Variants in FRMD4A observed in about 807,000 individuals in gnomAD.
The protein encoded by FRMD4A is FERM domain containing 4A.
FRMD4A carries 29 observed loss-of-function variants against 129.1 expected under a neutral mutation model. The observed-to-expected ratio is 0.22, with a 90% CI of 0.17 to 0.31. The LOEUF is 0.31. Ranked by LOEUF, FRMD4A falls within the 10% of genes least tolerant of loss-of-function variation. The pLI is 1.00. For synonymous variants in FRMD4A, 634 were observed against 571.6 expected, an observed-to-expected ratio of 1.11 and a Z score of -1.56; for missense variants, 1,272 against 1,375.8, an observed-to-expected ratio of 0.92 and a Z score of 1.19.
intron 6 of FRMD4A, among the ~76,000 whole-genome samples, chr10:13,775,834 T>C (rs917423354): frequency 3.3e-5 from 5 of 152,126 alleles, no homozygotes; most frequent in African/African-American, 9.7e-5. Flanking sequence ...TGGAAATTAA[T>C]ATTGGTAGAC....
At chr10:14,059,671 C>A (rs1157635298) in intron 2 of FRMD4A, among the ~76,000 whole-genome samples, 1 of 152,208 alleles carries the variant, frequency 6.6e-6, no homozygotes, top group Non-Finnish European at 1.5e-5. Context: ...TTTGTTATAG[C>A]AGCCTCAGCA....
intron 3 of FRMD4A, among the ~76,000 whole-genome samples, chr10:13,838,865 G>A (rs766869907): frequency 1.1e-4 from 16 of 151,778 alleles, no homozygotes; most frequent in East Asian, 5.8e-4. Context: ...GACATTGCCC[G>A]TTTTCTTTAT....
intron 2 of FRMD4A, among the ~76,000 whole-genome samples, chr10:13,885,753 C>A (rs1454701104): frequency 2.0e-5 from 3 of 152,172 alleles, no homozygotes; most frequent in Non-Finnish European, 2.9e-5. Flanking sequence ...CCTGCCAAGA[C>A]CTGCAGGCTA....
chr10:14,014,716 G>A (rs2095692696), intron 2 of FRMD4A, among the ~76,000 whole-genome samples: 1 of 152,152 alleles, frequency 6.6e-6, no homozygotes, highest in South Asian at 2.1e-4. Flanking sequence ...CATGCCCAGG[G>A]GCTGCGAGAT....
At chr10:14,266,376 G>C (rs1041544302) in intron 2 of FRMD4A, among the ~76,000 whole-genome samples, 1 of 152,098 alleles carries the variant, frequency 6.6e-6, no homozygotes, top group African/African-American at 2.4e-5. Context: ...GTTAGATAAA[G>C]TTTGGGGAGA....
rs74547111 is a variant in FRMD4A, at chr10:13,659,176, C to T, written c.2066+147G>A. 4.2e-3 allele frequency: 3,141 copies of T among 750,066 alleles called. 19 individuals are homozygous for T. Among genetic ancestry groups the T allele is most frequent in the Middle Eastern group, 0.012 (32 of 2,762 alleles). 46.5% of individuals were successfully genotyped at this position (750,066 alleles called of 1,614,324 possible). A position where few individuals can be genotyped will look rare whatever the true frequency, so the allele number is the denominator to read the frequency against. ...CTTGGCTAACGGGGGTTGACTGCTG[C>T]CAGCTTGGTTTTTTATTCCGCTTCA... is the stretch of plus-strand genomic sequence containing the variant. On this transcript the variant is annotated intron_variant, in intron 21 of 24. Coordinates refer to ENST00000357447, the MANE Select transcript of FRMD4A (RefSeq NM_018027.5).
chr10:14,312,300 C>A (rs538492507), intron 2 of FRMD4A, among the ~76,000 whole-genome samples: 3 of 152,308 alleles, frequency 2.0e-5, no homozygotes, highest in East Asian at 3.9e-4. Context: ...ATTCTTAACA[C>A]CCTTCAGAGA....
intron 2 of FRMD4A, among the ~76,000 whole-genome samples, chr10:14,129,407 TAAAA>T (rs56914092): frequency 8.9e-6 from 1 of 112,392 alleles, no homozygotes; most frequent in African/African-American, 4.4e-5. Context: ...TATATATATA[TAAAA>T]AATATGAGCT....
chr10:13,852,104 A>G (rs1293059365), intron 3 of FRMD4A, among the ~76,000 whole-genome samples: 1 of 152,126 alleles, frequency 6.6e-6, no homozygotes, highest in South Asian at 2.1e-4. Context: ...TCCTGAAACC[A>G]TACCTCCCAC....
chr10:13,671,280 C>G (rs574231811), intron 16 of FRMD4A, among the ~76,000 whole-genome samples: 52 of 152,158 alleles, frequency 3.4e-4, no homozygotes, highest in African/African-American at 1.2e-3. Flanking sequence ...ATGGTGAAAC[C>G]CTGTCTCTAC....
At chr10:14,326,414 T>C (rs1843277341) in intron 2 of FRMD4A, 2 of 153,240 alleles carry the variant, frequency 1.3e-5, no homozygotes, top group South Asian at 4.1e-4. Flanking sequence ...ACTTGCTTCA[T>C]CAGTTTCACT....
chr10:14,317,021 C>T (rs149530401), intron 2 of FRMD4A, among the ~76,000 whole-genome samples: 92 of 152,304 alleles, frequency 6.0e-4, no homozygotes, highest in African/African-American at 2.1e-3. Flanking sequence ...TCCACTTTGT[C>T]GCTCAATTGT....
intron 6 of FRMD4A, among the ~76,000 whole-genome samples, chr10:13,778,856 C>G (rs1256626796): frequency 6.6e-6 from 1 of 152,168 alleles, no homozygotes; most frequent in Middle Eastern, 3.2e-3. Flanking sequence ...AAGGCTGCAT[C>G]TATCTCTTGG....
chr10:14,128,077 T>C lies in FRMD4A; in HGVS notation c.45+201981A>G, dbSNP rs1004073673. ...CTTTCTTTCTTTCTTTCTTTCTTTC[T>C]TTCTTTCTTTCTTTCTTTCTTTCTT... On this transcript the variant is annotated intron_variant, in intron 2 of 24. Coordinates refer to ENST00000357447, the MANE Select transcript of FRMD4A (RefSeq NM_018027.5). Among the ~76,000 whole-genome samples the C allele has an allele frequency of 6.5e-3, 741 of 114,520 alleles. 34 individuals carry two copies. The highest frequency in any genetic ancestry group is 0.022 in the African/African-American group (645 of 29,488). The allele number at this position is 114,520 out of a possible 152,430, so 75.1% of individuals were successfully genotyped here.
At chr10:14,031,431 C>T (rs1565197975) in intron 2 of FRMD4A, among the ~76,000 whole-genome samples, 1 of 152,120 alleles carries the variant, frequency 6.6e-6, no homozygotes, top group Admixed American at 6.6e-5. Flanking sequence ...CCATGCCTGG[C>T]TAATTTTTGT....
At chr10:14,096,739 A>G (rs916113377) in intron 2 of FRMD4A, among the ~76,000 whole-genome samples, 2 of 152,192 alleles carry the variant, frequency 1.3e-5, no homozygotes, top group Admixed American at 1.3e-4. Flanking sequence ...GAGACACCTG[A>G]GCATGAGCTA....
chr10:14,284,932 T>C (rs1019861674), intron 2 of FRMD4A, among the ~76,000 whole-genome samples: 6 of 152,186 alleles, frequency 3.9e-5, no homozygotes, highest in Non-Finnish European at 7.3e-5. Flanking sequence ...CTTTCCTCTG[T>C]CCTACTACAA....
At chr10:13,842,816 A>G (rs554809320) in intron 3 of FRMD4A, among the ~76,000 whole-genome samples, 63 of 152,330 alleles carry the variant, frequency 4.1e-4, no homozygotes, top group Non-Finnish European at 7.9e-4. Context: ...GTGACAAAGC[A>G]AAACCCTGCC....
intron 2 of FRMD4A, among the ~76,000 whole-genome samples, chr10:13,942,943 A>G (rs970711699): frequency 2.0e-5 from 3 of 149,060 alleles, no homozygotes; most frequent in Admixed American, 6.7e-5. Flanking sequence ...ACAAAAAGGC[A>G]AAAAAAAAAG....
Sources: allele counts gnomAD v4.1 joint callset (sites outside exome capture counted in the v4.1 genomes callset), GRCh38; gene constraint gnomAD v4.1.1; transcripts MANE v1.5; gene names NCBI Gene and HGNC (gene_info 2026-07-23, HGNC 2026-07-21).